The following FNBP4 variants were observed in gnomAD, a reference collection of about 807,000 sequenced individuals.
FNBP4 encodes the protein formin binding protein 4, also known as formin-binding protein 4.
Under a neutral mutation model 119.3 loss-of-function variants are expected in FNBP4, and 34 were observed. The observed-to-expected ratio is 0.28, with a 90% CI of 0.22 to 0.38. The LOEUF (loss-of-function observed/expected upper bound fraction) is 0.38. Among genes scored for constraint, FNBP4 ranks in the 10% least tolerant of loss-of-function variants. The pLI, the probability that FNBP4 is intolerant of heterozygous loss-of-function variation, is 1.00. For synonymous variants in FNBP4, 462 were observed against 430.6 expected (o/e 1.07, Z -0.90); for missense variants, 1,112 against 1,228.9 (o/e 0.90, Z 1.42).
intron 8 of FNBP4, among the ~76,000 whole-genome samples, chr11:47,741,548 T>C (rs1460530302): frequency 6.6e-6 from 1 of 151,768 alleles, no homozygotes; most frequent in African/African-American, 2.4e-5. Flanking sequence ...CTGGTCGCAG[T>C]GGCTCACGCC....
At chr11:47,754,144 T>A (rs189896258) in intron 3 of FNBP4, among the ~76,000 whole-genome samples, 2 of 151,566 alleles carry the variant, frequency 1.3e-5, no homozygotes. Context: ...AGGAGACAGG[T>A]TGCGGTGAGG....
intron 15 of FNBP4, 96 bp downstream of exon 15, chr11:47,722,880 A>G (rs1169515306): frequency 1.5e-6 from 2 of 1,352,646 alleles, no homozygotes; most frequent in African/African-American, 2.9e-5. Context: ...CTTAAGCCAC[A>G]GTGCCCAGCC....
Position 47,751,211 on chromosome 11 carries a change from A to T in FNBP4, c.717T>A (p.Asn239Lys). ...ATTGGGGTAACTCCCAAGTCACTTCATTTGTTTGTGTATTCCAATAATAAT... is the reference window on the plus strand; with the variant it reads ...ATTGGGGTAACTCCCAAGTCACTTCTTTTGTTTGTGTATTCCAATAATAAT... ...GCYYYWNTQT[N>K]EVTWELPQYL... Residue 239 changes from asparagine (N) to lysine (K), a missense_variant, in exon 5 of 17, where the codon AAT becomes AAA. Physicochemically the swap from Asn to Lys is moderately conservative, Grantham distance 94. Coordinates refer to ENST00000263773, the MANE Select transcript of FNBP4 (RefSeq NM_015308.5). The T allele has an allele frequency of 6.2e-7, 1 of 1,614,100 alleles. No individual in the cohort carries two copies. The highest frequency in any genetic ancestry group is 8.5e-7 in the Non-Finnish European group (1 of 1,180,004).
At position 47,750,909 on chromosome 11, in the gene FNBP4, C is replaced by T; in HGVS notation, c.906+7G>A. Reference sequence around the variant, plus strand: ...AATAAACAAATGAGGTAAGTTTCGACACTGACCTTTTTAACTTCTCGCTTG... The same window carrying T: ...AATAAACAAATGAGGTAAGTTTCGATACTGACCTTTTTAACTTCTCGCTTG... On this transcript the variant is annotated splice_region_variant and intron_variant, in intron 6 of 16. Coordinates refer to ENST00000263773, the MANE Select transcript of FNBP4 (RefSeq NM_015308.5). The T allele has an allele frequency of 6.2e-7, 1 of 1,613,470 alleles. No individual in the cohort carries two copies. The highest frequency in any genetic ancestry group is 8.5e-7 in the Non-Finnish European group (1 of 1,179,862).
At chr11:47,746,820 T>C (rs909777103) in intron 6 of FNBP4, among the ~76,000 whole-genome samples, 1 of 152,080 alleles carries the variant, frequency 6.6e-6, no homozygotes, top group African/African-American at 2.4e-5. Context: ...CAAAACCACT[T>C]ACTCCCAACA....
At chr11:47,731,892 A>G in intron 11 of FNBP4, 5 of 1,028,238 alleles carry the variant, frequency 4.9e-6, no homozygotes, top group Non-Finnish European at 5.8e-6. Flanking sequence ...TCAATCGCCT[A>G]GAACACTAAT....
chr11:47,742,170 T>C (rs1471932097), intron 8 of FNBP4, among the ~76,000 whole-genome samples: 2 of 152,048 alleles, frequency 1.3e-5, no homozygotes, highest in Non-Finnish European at 2.9e-5. Context: ...GAAGGATATA[T>C]GTTTATAAAG....
chr11:47,767,136 C>A lies in FNBP4; in HGVS notation c.153G>T (p.Pro51=). ...CGGTGGTGGTGGTCGTCGCCGCCGA[C>A]GGGGCGGGCTGGCTGGGGACCGCCG... is the stretch of plus-strand genomic sequence containing the variant. The part of the protein sequence containing the change: ...STAAVPSQPA[P]SAATTTTTAV... Residue 51 remains proline (P), a synonymous_variant, in exon 1 of 17, where the codon CCG becomes CCT. Coordinates refer to ENST00000263773, the MANE Select transcript of FNBP4 (RefSeq NM_015308.5). The A allele has an allele frequency of 6.5e-7, 1 of 1,543,406 alleles. No individual in the cohort carries two copies. Among genetic ancestry groups the A allele is most frequent in the African/African-American group, 1.4e-5 (1 of 72,160 alleles).
intron 1 of FNBP4, among the ~76,000 whole-genome samples, chr11:47,765,849 A>ATTTTTTTT (rs1565173531): frequency 2.1e-4 from 5 of 23,540 alleles, no homozygotes; most frequent in Non-Finnish European, 5.3e-4. Flanking sequence ...CAGAGCTGGA[A>ATTTTTTTT]TCTTTTTTTT....
At chr11:47,738,479 C>T (rs1403903083) in intron 8 of FNBP4, among the ~76,000 whole-genome samples, 3 of 151,724 alleles carry the variant, frequency 2.0e-5, no homozygotes, top group Non-Finnish European at 4.4e-5. Flanking sequence ...GCAGGAGAAT[C>T]GCTTGAACCT....
intron 2 of FNBP4, among the ~76,000 whole-genome samples, chr11:47,762,331 G>T (rs1208176034): frequency 1.3e-5 from 2 of 151,798 alleles, no homozygotes; most frequent in African/African-American, 2.4e-5. Flanking sequence ...GTTTCACTAT[G>T]TTGGCCAGGA....
In FNBP4 at chr11:47,746,186, T is replaced by G; in HGVS notation, c.1115A>C (p.Gln372Pro). 1 of 1,614,236 alleles carries G rather than the reference T, an allele frequency of 6.2e-7. No homozygotes were observed. Among genetic ancestry groups the G allele is most frequent in the Non-Finnish European group, 8.5e-7 (1 of 1,180,036 alleles). The change falls in exon 7 of 17, where the codon CAG becomes CCG. Residue 372 changes from glutamine (Q) to proline (P), a missense_variant. Physicochemically the swap from Gln to Pro is moderately conservative, Grantham distance 76 (BLOSUM62 -1). Transcript: ENST00000263773. ...TTCTATATTGTCCAACATAATTTCC[T>G]GTGGCTTTACTATTGTTGTTGCTTC... ...VEEATTIVKPQEIMLDNIEDP... is the reference protein window; with the variant it reads ...VEEATTIVKPPEIMLDNIEDP...
At chr11:47,753,147 CAAGA>C in intron 3 of FNBP4, 45 bp from the exon 4 acceptor site, 1 of 1,493,262 alleles carries the variant, frequency 6.7e-7, no homozygotes, top group Middle Eastern at 1.9e-4. Flanking sequence ...ATATCAAAAA[CAAGA>C]AACTTAAGGA....
chr11:47,738,560 C>T (rs1009442953), intron 8 of FNBP4, among the ~76,000 whole-genome samples: 4 of 151,980 alleles, frequency 2.6e-5, no homozygotes, highest in East Asian at 1.9e-4. Flanking sequence ...AGCAAAACTC[C>T]GTCTAAAAAA....
intron 9 of FNBP4, among the ~76,000 whole-genome samples, chr11:47,735,286 C>G (rs1192954976): frequency 1.3e-5 from 2 of 152,114 alleles, no homozygotes; most frequent in Non-Finnish European, 2.9e-5. Context: ...TGCCATTTAT[C>G]CATTAATTGC....
intron 16 of FNBP4, among the ~76,000 whole-genome samples, chr11:47,718,464 G>A (rs933881017): frequency 1.3e-5 from 2 of 151,964 alleles, no homozygotes; most frequent in Non-Finnish European, 2.9e-5. Flanking sequence ...CACCCACCTC[G>A]GCTTCCCAAA....
At chr11:47,717,904 AAC>A (rs1196090254) in intron 16 of FNBP4, among the ~76,000 whole-genome samples, 2 of 149,250 alleles carry the variant, frequency 1.3e-5, no homozygotes, top group Non-Finnish European at 3.0e-5. Context: ...AGGCATGTGC[AAC>A]CATGCCTGGC....
At chr11:47,765,849 A>ATTTTT (rs1565173531) in intron 1 of FNBP4, among the ~76,000 whole-genome samples, 3 of 23,506 alleles carry the variant, frequency 1.3e-4, no homozygotes, top group African/African-American at 1.6e-4. Flanking sequence ...CAGAGCTGGA[A>ATTTTT]TCTTTTTTTT....
Position 47,731,502 on chromosome 11 carries a change from G to A in FNBP4, c.1880C>T (p.Pro627Leu). Residue 627 changes from proline (P) to leucine (L), a missense_variant, in exon 12 of 17, where the codon CCA (proline) becomes CTA (leucine). Coordinates refer to ENST00000263773, the MANE Select transcript of FNBP4 (RefSeq NM_015308.5). ...EQSGESQWEF[P>L]DGEEEEEESQ... ...TTCTTCTTCTTCCTCTTCACCATCT[G>A]GAAACTCCCACTGAGACTCGCCCGA... is the stretch of plus-strand genomic sequence containing the variant. 1.9e-6 allele frequency: 3 copies of A among 1,613,520 alleles called. No homozygotes were observed. Among genetic ancestry groups the A allele is most frequent in the Non-Finnish European group, 2.5e-6 (3 of 1,179,876 alleles).
Sources: gnomAD v4.1 joint callset for allele counts (sites outside exome capture counted in the v4.1 genomes callset) on GRCh38, gnomAD v4.1.1 for gene constraint, MANE v1.5 for transcripts, NCBI Gene and HGNC (gene_info 2026-07-23, HGNC 2026-07-21) for gene names.